SPATC1: variants seen among roughly 807,000 people sequenced by gnomAD.
SPATC1 encodes the protein speriolin.
SPATC1 carries 35 observed loss-of-function variants against 36.5 expected under a neutral mutation model. That is an observed-to-expected ratio of 0.96 (90% CI 0.73 to 1.27). The LOEUF (loss-of-function observed/expected upper bound fraction) is 1.27, where lower values mean the gene tolerates loss of function less well. Among genes scored for constraint, SPATC1 ranks in the 50% most tolerant of loss-of-function variants. SPATC1 has a pLI of 0.00. For missense variants in SPATC1, 779 were observed against 796.0 expected, an observed-to-expected ratio of 0.98 and a Z score of 0.26; for synonymous variants, 361 against 353.6, an observed-to-expected ratio of 1.02 and a Z score of -0.24.
At chr8:144,033,559 G>A (rs1191701215) in intron 1 of SPATC1, among the ~76,000 whole-genome samples, 2 of 152,142 alleles carry the variant, frequency 1.3e-5, no homozygotes, top group Admixed American at 1.3e-4. Flanking sequence ...CAGCTTAATC[G>A]TAGCTTTGGT....
chr8:144,013,394 G>A (rs944091377), intron 1 of SPATC1, among the ~76,000 whole-genome samples: 2 of 152,132 alleles, frequency 1.3e-5, no homozygotes, highest in African/African-American at 4.8e-5. Flanking sequence ...GGCTCAATGA[G>A]TCACTGGAAC....
At chr8:144,020,101 C>T (rs1482896177) in intron 1 of SPATC1, among the ~76,000 whole-genome samples, 1 of 151,836 alleles carries the variant, frequency 6.6e-6, no homozygotes, top group Non-Finnish European at 1.5e-5. Context: ...CCCCACAAGA[C>T]TCTACCCCAC....
chr8:144,040,341 C>A lies in SPATC1; in HGVS notation c.644C>A (p.Ala215Asp), dbSNP rs781985353. ...CCAGGGGTCTCTCAGAACCTGCTGGCCAACCCCATGAGCAACCTGGTCCTG... is the reference window on the plus strand; with the variant it reads ...CCAGGGGTCTCTCAGAACCTGCTGGACAACCCCATGAGCAACCTGGTCCTG... ...TPPGVSQNLL[A>D]NPMSNLVLPE... The change falls in exon 2 of 5, where the codon GCC (alanine) becomes GAC (aspartate). Residue 215 changes from alanine (A) to aspartate (D), a missense_variant. Ala to Asp is a moderately radical substitution (Grantham distance 126). Transcript: ENST00000377470. The A allele has an allele frequency of 1.2e-6, 2 of 1,612,590 alleles. No homozygotes were observed. Among genetic ancestry groups the A allele is most frequent in the South Asian group, 2.2e-5 (2 of 91,086 alleles).
chr8:144,042,093 A>G, intron 4 of SPATC1: 1 of 795,460 alleles, frequency 1.3e-6, no homozygotes, highest in Non-Finnish European at 1.5e-6. Flanking sequence ...AGTACACAAC[A>G]GTGTATGTAC....
chr8:144,032,830 TG>T (rs1834825314), intron 1 of SPATC1, among the ~76,000 whole-genome samples: 1 of 151,430 alleles, frequency 6.6e-6, no homozygotes, highest in Non-Finnish European at 1.5e-5. Flanking sequence ...ATGCACAGAG[TG>T]GGAGATATTA....
In SPATC1 at chr8:144,012,377, A is replaced by T; in HGVS notation, c.-139A>T. ...GGCAAGGAAGAGGGCACAGCCTCTG[A>T]CCTCACAATACCCAGGGCCCACTGG... On this transcript the variant is annotated 5_prime_UTR_variant, in exon 1 of 5. Transcript: ENST00000377470. 1.5e-6 allele frequency: 1 copy of T among 676,292 alleles called. No homozygotes were observed. Among genetic ancestry groups the T allele is most frequent in the South Asian group, 1.9e-5 (1 of 53,970 alleles). 41.9% of individuals were successfully genotyped at this position (676,292 alleles called of 1,614,324 possible).
chr8:144,038,967 C>T (rs1042500351), intron 1 of SPATC1, among the ~76,000 whole-genome samples: 5 of 152,150 alleles, frequency 3.3e-5, no homozygotes, highest in Non-Finnish European at 5.9e-5. Flanking sequence ...GAGCTATATA[C>T]GCACGGTAGA....
chr8:144,023,935 C>T lies in SPATC1; in HGVS notation c.211+11209C>T, dbSNP rs1286411939. 2.0e-5 allele frequency among the ~76,000 whole-genome samples: 3 copies of T among 148,136 alleles called. No individual in the cohort carries two copies. In the East Asian group the frequency reaches 6.0e-4, roughly 30 times the overall value. ...CCTGAGGACCCTGTTCCCTAAAAACCTTCCCCCCTCAGGACCCTCTTCCCT... is the reference window on the plus strand; with the variant it reads ...CCTGAGGACCCTGTTCCCTAAAAACTTTCCCCCCTCAGGACCCTCTTCCCT... On this transcript the variant is annotated intron_variant, in intron 1 of 4. Coordinates refer to ENST00000377470, the MANE Select transcript of SPATC1 (RefSeq NM_198572.3).
At chr8:144,011,461 T>G (rs782512294), upstream of SPATC1, among the ~76,000 whole-genome samples, 1 of 152,150 alleles carries the variant, frequency 6.6e-6, no homozygotes. The surrounding 1 kb of genome is among the most constrained non-coding windows in gnomAD (Gnocchi z 4.5). Context: ...TCCCACATTC[T>G]ACCAGGAGTC....
chr8:144,028,353 T>C (rs1296412237), intron 1 of SPATC1, among the ~76,000 whole-genome samples: 2 of 139,676 alleles, frequency 1.4e-5, no homozygotes, highest in African/African-American at 5.4e-5. Context: ...CTCAAACAAA[T>C]TTACAAGAAA....
In SPATC1 at chr8:144,039,988, G is replaced by A; in HGVS notation, c.291G>A (p.Leu97=). The A allele has an allele frequency of 6.2e-7, 1 of 1,613,980 alleles. No homozygotes were observed. Among genetic ancestry groups the A allele is most frequent in the Non-Finnish European group, 8.5e-7 (1 of 1,179,998 alleles). ...EEVGIMALAP[L]AEMLTSLQPS... ...TGGGGATCATGGCCTTGGCACCCCT[G>A]GCCGAGATGCTAACCAGCTTGCAGC... The change falls in exon 2 of 5, where the codon CTG becomes CTA. Residue 97 remains leucine (L), a synonymous_variant. Coordinates refer to ENST00000377470, the MANE Select transcript of SPATC1 (RefSeq NM_198572.3).
At position 144,012,431 on chromosome 8, in the gene SPATC1, TC is replaced by T; in HGVS notation, c.-84del. The stretch of plus-strand genomic sequence containing the variant: ...AGCCTTGCAGACTCTGCACCCTCCT[TC>T]AGCCCAGGCAAGGCCTGGGGCCCTG... On this transcript the variant is annotated 5_prime_UTR_variant, in exon 1 of 5. Coordinates refer to ENST00000377470, the MANE Select transcript of SPATC1 (RefSeq NM_198572.3). 1 of 1,239,410 alleles carries T rather than the reference TC, an allele frequency of 8.1e-7. No individual in the cohort carries two copies. The highest frequency in any genetic ancestry group is 1.1e-6 in the Non-Finnish European group (1 of 870,560). The allele number at this position is 1,239,410 out of a possible 1,614,324, so 76.8% of individuals were successfully genotyped here. A position where few individuals can be genotyped will look rare whatever the true frequency, so the allele number is the denominator to read the frequency against.
intron 1 of SPATC1, among the ~76,000 whole-genome samples, chr8:144,021,211 C>T (rs1374516809): frequency 2.8e-5 from 4 of 142,192 alleles, no homozygotes; most frequent in Non-Finnish European, 6.2e-5. Context: ...GAACCCCCTC[C>T]CCTCAAGACC....
chr8:144,031,954 A>T (rs972994779), intron 1 of SPATC1, among the ~76,000 whole-genome samples: 1 of 152,134 alleles, frequency 6.6e-6, no homozygotes, highest in Non-Finnish European at 1.5e-5. Context: ...TCCTGGGCTC[A>T]AGCGATCTGC....
At chr8:144,020,400 C>A (rs1396632364) in intron 1 of SPATC1, among the ~76,000 whole-genome samples, 33 of 149,002 alleles carry the variant, frequency 2.2e-4, no homozygotes, top group African/African-American at 8.2e-4. Flanking sequence ...TCCCTGATAA[C>A]CCTCTCCCCT....
chr8:144,026,062 C>T lies in SPATC1; in HGVS notation c.211+13336C>T, dbSNP rs957869813. On this transcript the variant is annotated intron_variant, in intron 1 of 4. Coordinates refer to ENST00000377470, the MANE Select transcript of SPATC1 (RefSeq NM_198572.3). ...CACTTTCATCACCCCAAAAAGAAAC[C>T]TCATCCCCTTTAGCTATCACACCCC... Among the ~76,000 whole-genome samples, 58 of 152,170 alleles carry T rather than the reference C, an allele frequency of 3.8e-4. 1 individual carries two copies. Among genetic ancestry groups the T allele is most frequent in the Admixed American group, 2.7e-3 (42 of 15,288 alleles).
Position 144,044,805 on chromosome 8 carries a change from T to C in SPATC1, c.1447-1822T>C, listed in dbSNP as rs563592142. Among the ~76,000 whole-genome samples, 119 of 152,046 alleles carry C rather than the reference T, an allele frequency of 7.8e-4. 2 individuals carry two copies. The South Asian group carries it at 0.025, about 32-fold the overall frequency. On this transcript the variant is annotated intron_variant, in intron 4 of 4. Coordinates refer to ENST00000377470, the MANE Select transcript of SPATC1 (RefSeq NM_198572.3). ...CTACTAAAAATACAAAAACATTAGC[T>C]GGGCGTGGAGGCATACGCCTGTAAT...
At chr8:144,022,819 C>T (rs1398731085) in intron 1 of SPATC1, among the ~76,000 whole-genome samples, 3 of 150,400 alleles carry the variant, frequency 2.0e-5, no homozygotes, top group Non-Finnish European at 4.4e-5. Flanking sequence ...CCGTCAGGAC[C>T]CTCTTTTCTA....
At chr8:144,014,774 T>C (rs1427845255) in intron 1 of SPATC1, among the ~76,000 whole-genome samples, 1 of 152,236 alleles carries the variant, frequency 6.6e-6, no homozygotes, top group Non-Finnish European at 1.5e-5. Flanking sequence ...GAGAAACAGA[T>C]GTGCAATTAA....
Sources: allele counts gnomAD v4.1 joint callset (sites outside exome capture counted in the v4.1 genomes callset), GRCh38; gene constraint gnomAD v4.1.1; non-coding constraint Gnocchi (gnomAD v3.1); transcripts MANE v1.5; gene names NCBI Gene and HGNC (gene_info 2026-07-23, HGNC 2026-07-21).